PTPRK: variants seen among roughly 807,000 people sequenced by gnomAD.
PTPRK encodes protein tyrosine phosphatase receptor type K, also known as receptor-type tyrosine-protein phosphatase kappa.
PTPRK carries 75 observed loss-of-function variants against 178.0 expected under a neutral mutation model. That is an observed-to-expected ratio of 0.42 (90% confidence interval 0.35 to 0.51). The LOEUF (loss-of-function observed/expected upper bound fraction) is 0.51. PTPRK is among the 20% of genes least tolerant of loss of function. The pLI is 0.02. For synonymous variants in PTPRK, 637 were observed against 620.6 expected (o/e 1.03, Z -0.39); for missense variants, 1,441 against 1,797.8 (o/e 0.80, Z 3.59).
rs1360304832 is a variant in PTPRK, at chr6:128,519,706, A to C, written c.100+553T>G. On this transcript the variant is annotated intron_variant, in intron 1 of 29. Transcript: ENST00000368226. This position sits in a 1 kb window ranked among gnomAD's most constrained non-coding sequence, Gnocchi z 4.3. ...CCCGAGCGCACAGGGCAAGCCCGGG[A>C]GCAACCCAGAGCTGGGGGAGGAGAA... is the stretch of plus-strand genomic sequence containing the variant. 2.0e-5 allele frequency among the ~76,000 whole-genome samples: 3 copies of C among 152,216 alleles called. No individual in the cohort carries two copies. Among genetic ancestry groups the C allele is most frequent in the African/African-American group, 7.2e-5 (3 of 41,476 alleles).
chr6:128,240,161 A>AG lies in PTPRK; in HGVS notation c.578-12dup, dbSNP rs72291480. On this transcript the variant is annotated splice_polypyrimidine_tract_variant and intron_variant, in intron 4 of 29. Coordinates refer to ENST00000368226, the MANE Select transcript of PTPRK (RefSeq NM_002844.4). ...AATGAGGAGATTTATCTGTGAAGGAAGGGAAAAAAAAATGTATTTGTTTTC... is the reference window on the plus strand; with the variant it reads ...AATGAGGAGATTTATCTGTGAAGGAAGGGGAAAAAAAAATGTATTTGTTTTC... The AG allele has an allele frequency of 5.3e-5, 84 of 1,571,002 alleles. No homozygotes were observed. Among genetic ancestry groups the AG allele is most frequent in the Non-Finnish European group, 7.0e-5 (80 of 1,145,738 alleles).
intron 2 of PTPRK, among the ~76,000 whole-genome samples, chr6:128,338,884 C>T (rs1230967874): frequency 6.6e-6 from 1 of 151,690 alleles, no homozygotes; most frequent in African/African-American, 2.4e-5. Flanking sequence ...TAAACAAAAA[C>T]AAATACTATC....
intron 21 of PTPRK, 147 bp from the exon 22 acceptor site, chr6:127,986,022 A>G (rs754381276): frequency 4.0e-4 from 264 of 663,960 alleles, no homozygotes; most frequent in Non-Finnish European, 5.5e-4. Context: ...AAAAAAAAAT[A>G]TAATAAAATG....
At chr6:128,085,535 TATA>T (rs1785624280) in intron 8 of PTPRK, among the ~76,000 whole-genome samples, 1 of 152,218 alleles carries the variant, frequency 6.6e-6, no homozygotes, top group African/African-American at 2.4e-5. Flanking sequence ...GCATTGTAAT[TATA>T]ATAACTGCCT....
At chr6:128,150,195 G>C (rs898760294) in intron 7 of PTPRK, among the ~76,000 whole-genome samples, 3 of 152,076 alleles carry the variant, frequency 2.0e-5, no homozygotes, top group African/African-American at 7.2e-5. Context: ...GGGTAAGAGT[G>C]GGGGTGGGGT....
At chr6:128,484,115 A>G (rs961710973) in intron 1 of PTPRK, among the ~76,000 whole-genome samples, 7 of 152,090 alleles carry the variant, frequency 4.6e-5, no homozygotes, top group Non-Finnish European at 8.8e-5. Flanking sequence ...TAGACACCTT[A>G]TGGTTACCAC....
rs868716702 is a variant in PTPRK, at chr6:128,472,118, G to C, written c.100+48141C>G. ...AGCCACACCTTGCCATCTCTCCAAG[G>C]CTGCTTCTTCCCTCCAGAGAGGATA... On this transcript the variant is annotated intron_variant, in intron 1 of 29. Transcript: ENST00000368226. 4.6e-5 allele frequency among the ~76,000 whole-genome samples: 7 copies of C among 152,070 alleles called. No homozygotes were observed. The South Asian group carries it at 1.2e-3, about 27-fold the overall frequency.
Position 128,413,548 on chromosome 6 carries a change from C to A in PTPRK, c.101-15860G>T, listed in dbSNP as rs114348219. Among the ~76,000 whole-genome samples the A allele has an allele frequency of 2.0e-3, 300 of 152,248 alleles. 1 individual carries two copies. Among genetic ancestry groups the A allele is most frequent in the African/African-American group, 7.0e-3 (292 of 41,550 alleles). ...CTCTTCATCTTAAGAAAGGACAGGA[C>A]TTCTGTGATATCAATGGTATTCCTC... On this transcript the variant is annotated intron_variant, in intron 1 of 29. Transcript: ENST00000368226.
At chr6:128,488,135 C>A (rs1562622688) in intron 1 of PTPRK, among the ~76,000 whole-genome samples, 1 of 152,182 alleles carries the variant, frequency 6.6e-6, no homozygotes, top group Non-Finnish European at 1.5e-5. Context: ...CTGAGAGCCC[C>A]TGGCAAATCA....
chr6:128,218,508 A>G (rs1359634206), intron 6 of PTPRK, among the ~76,000 whole-genome samples: 2 of 152,220 alleles, frequency 1.3e-5, no homozygotes, highest in African/African-American at 4.8e-5. Flanking sequence ...TACCAGTAAA[A>G]TTTGTAGGAC....
At chr6:128,232,147 T>C (rs1438719869) in intron 5 of PTPRK, 2 of 152,270 alleles carry the variant, frequency 1.3e-5, no homozygotes, top group African/African-American at 4.8e-5. Flanking sequence ...TCGGTTCCTA[T>C]CCCACGTCCC....
intron 6 of PTPRK, among the ~76,000 whole-genome samples, chr6:128,214,347 T>G (rs1808823816): frequency 6.6e-6 from 1 of 152,060 alleles, no homozygotes; most frequent in African/African-American, 2.4e-5. Flanking sequence ...AACACCCTTC[T>G]CCAATAGTAC....
intron 6 of PTPRK, among the ~76,000 whole-genome samples, chr6:128,191,630 T>A (rs2114722351): frequency 6.6e-6 from 1 of 152,242 alleles, no homozygotes; most frequent in East Asian, 1.9e-4. Flanking sequence ...GCTTGATAAT[T>A]ATTTCAAATT....
At chr6:128,300,260 T>C (rs1231754016) in intron 3 of PTPRK, among the ~76,000 whole-genome samples, 1 of 151,996 alleles carries the variant, frequency 6.6e-6, no homozygotes, top group Non-Finnish European at 1.5e-5. Context: ...ACGAACACTT[T>C]TACACTCTTG....
intron 2 of PTPRK, among the ~76,000 whole-genome samples, chr6:128,397,101 T>C (rs1418927569): frequency 6.6e-6 from 1 of 152,156 alleles, no homozygotes; most frequent in Non-Finnish European, 1.5e-5. Context: ...CTGCCTCCCC[T>C]CAGAGTCACT....
intron 1 of PTPRK, among the ~76,000 whole-genome samples, chr6:128,430,714 G>T (rs377127577): frequency 1.3e-5 from 2 of 152,042 alleles, no homozygotes; most frequent in African/African-American, 4.8e-5. Flanking sequence ...AGCAGGAATT[G>T]GTCATAGCAA....
chr6:128,160,201 A>G (rs1196592784), intron 7 of PTPRK, among the ~76,000 whole-genome samples: 2 of 151,744 alleles, frequency 1.3e-5, no homozygotes, highest in Non-Finnish European at 3.0e-5. Flanking sequence ...AGTAATAGTG[A>G]TAACTACATT....
chr6:128,308,460 G>A (rs1826766973), intron 3 of PTPRK, among the ~76,000 whole-genome samples: 1 of 151,546 alleles, frequency 6.6e-6, no homozygotes, highest in African/African-American at 2.4e-5. Context: ...CGAACTGCTT[G>A]CATTTAGAGG....
chr6:128,047,411 T>C (rs1048704346), intron 13 of PTPRK, among the ~76,000 whole-genome samples: 1 of 152,156 alleles, frequency 6.6e-6, no homozygotes, highest in African/African-American at 2.4e-5. Context: ...TAATTATACA[T>C]CAACTTTAGG....
Sources: gnomAD v4.1 joint callset for allele counts (sites outside exome capture counted in the v4.1 genomes callset) on GRCh38, gnomAD v4.1.1 for gene constraint, Gnocchi (gnomAD v3.1) non-coding constraint, MANE v1.5 for transcripts, NCBI Gene and HGNC (gene_info 2026-07-23, HGNC 2026-07-21) for gene names.